The following ZNF841 variants were observed in gnomAD, a reference collection of about 807,000 sequenced individuals.
ZNF841 encodes the protein zinc finger protein 841, also known as TCONS_00006091.
ZNF841 carries 11 observed loss-of-function variants against 13.0 expected under a neutral mutation model. The observed-to-expected ratio is 0.85, with a 90% CI of 0.53 to 1.40. The LOEUF (loss-of-function observed/expected upper bound fraction) is 1.40, where lower values mean the gene tolerates loss of function less well. Ranked by LOEUF, ZNF841 falls within the 40% of genes most tolerant of loss-of-function variation. The probability of loss-of-function intolerance (pLI) is 0.00; values close to 1 mark genes in which losing one functional copy is unlikely to be tolerated. For synonymous variants in ZNF841, 369 were observed against 381.6 expected, an observed-to-expected ratio of 0.97 and a Z score of 0.38; for missense variants, 1,068 against 1,139.5, an observed-to-expected ratio of 0.94 and a Z score of 0.90.
In ZNF841 at chr19:52,065,084, C is replaced by G; in HGVS notation, c.*23G>C. The G allele has an allele frequency of 6.9e-7, 1 of 1,458,734 alleles. No individual in the cohort carries two copies. Among genetic ancestry groups the G allele is most frequent in the South Asian group, 1.5e-5 (1 of 67,258 alleles). The allele number at this position is 1,458,734 out of a possible 1,614,324, so 90.4% of individuals were successfully genotyped here. A position where few individuals can be genotyped will look rare whatever the true frequency, so the allele number is the denominator to read the frequency against. ...ACTTCAAAGGGAAAGGACAAATATA[C>G]AAGCTATATGAGTAAGTATAAATTA... On this transcript the variant is annotated 3_prime_UTR_variant, in exon 7 of 7. Transcript: ENST00000594440.
At chr19:52,064,374 A>AC (rs57240875), downstream of ZNF841, 975 of 148,912 alleles carry the variant, frequency 6.5e-3, 51 homozygotes, top group African/African-American at 0.023. Context: ...AAAAAAAAAA[A>AC]AAAAAAAAAA....
intron 3 of ZNF841, among the ~76,000 whole-genome samples, chr19:52,087,393 T>A (rs898096311): frequency 9.9e-5 from 15 of 152,150 alleles, no homozygotes; most frequent in African/African-American, 3.4e-4. Flanking sequence ...TAGATCCCAG[T>A]GTGTGTTGTT....
downstream of ZNF841, among the ~76,000 whole-genome samples, chr19:52,061,502 A>T (rs1281696316): frequency 6.6e-6 from 1 of 151,792 alleles, no homozygotes; most frequent in East Asian, 1.9e-4. Flanking sequence ...CCACCAAAGG[A>T]AAGTTCTAAG....
chr19:52,076,110 C>T lies in ZNF841; in HGVS notation c.205G>A (p.Val69Met), dbSNP rs1051262264. ...MLEQGKEPWT[V>M]VSQVKIARNP... ...CTCGCTATTTTCACTTGGCTCACCACAGTCCAGGGCTCTTTCCCTTGCTCC... is the reference window on the plus strand; with the variant it reads ...CTCGCTATTTTCACTTGGCTCACCATAGTCCAGGGCTCTTTCCCTTGCTCC... The change falls in exon 6 of 7, where the codon GTG (valine) becomes ATG (methionine). Residue 69 changes from valine to methionine, a missense_variant. Transcript: ENST00000594440. 4 of 1,556,874 alleles carry T rather than the reference C, an allele frequency of 2.6e-6. No homozygotes were observed. Among genetic ancestry groups the T allele is most frequent in the Non-Finnish European group, 3.5e-6 (4 of 1,149,550 alleles).
intron 2 of ZNF841, among the ~76,000 whole-genome samples, chr19:52,089,927 T>G (rs16983446): frequency 6.6e-6 from 1 of 152,178 alleles, no homozygotes; most frequent in Non-Finnish European, 1.5e-5. Context: ...TCTGGGCACA[T>G]GCAACACAGC....
chr19:52,058,755 C>G, the ZNF841 span: 1 of 153,088 alleles, frequency 6.5e-6, no homozygotes, highest in Non-Finnish European at 1.5e-5. Context: ...TTTCAAAAAG[C>G]TGTAAAAATT....
rs767337846 is a variant in ZNF841 at position 52,065,388 on chromosome 19, C to T, written c.2494G>A (p.Glu832Lys). 19 of 1,608,236 alleles carry T rather than the reference C, an allele frequency of 1.2e-5. No homozygotes were observed. The highest frequency in any genetic ancestry group is 2.2e-5 in the East Asian group (1 of 44,764). Reference sequence around the variant, plus strand: ...TGATGGTAAACCAAGTTTGACCTTTCGATAAAAGCTTTACCACATTCATTA... The same window carrying T: ...TGATGGTAAACCAAGTTTGACCTTTTGATAAAAGCTTTACCACATTCATTA... ...KCNECGKAFI[E>K]RSNLVYHQRN... Residue 832 changes from glutamate to lysine, a missense_variant, in exon 7 of 7, where the codon GAA (glutamate) becomes AAA (lysine). Glu to Lys is a moderately conservative substitution (Grantham distance 56). Transcript: ENST00000594440.
In ZNF841 at chr19:52,076,109, A is replaced by C; in HGVS notation, c.206T>G (p.Val69Gly). ...MLEQGKEPWT[V>G]VSQVKIARNP... is the part of the protein sequence containing the mutation. ...CCTCGCTATTTTCACTTGGCTCACC[A>C]CAGTCCAGGGCTCTTTCCCTTGCTC... Residue 69 changes from valine (V) to glycine (G), a missense_variant, in exon 6 of 7, where the codon GTG becomes GGG. Val to Gly is a moderately radical substitution (Grantham distance 109). Transcript: ENST00000594440. 1 of 1,556,786 alleles carries C rather than the reference A, an allele frequency of 6.4e-7. No homozygotes were observed. Among genetic ancestry groups the C allele is most frequent in the South Asian group, 1.2e-5 (1 of 84,406 alleles).
At chr19:52,087,278 C>G (rs2088305440) in intron 3 of ZNF841, among the ~76,000 whole-genome samples, 2 of 152,094 alleles carry the variant, frequency 1.3e-5, no homozygotes, top group African/African-American at 2.4e-5. Context: ...GTAAATGGGT[C>G]ATGGGGATGT....
At chr19:52,076,480 G>T in intron 5 of ZNF841, 1 of 311,026 alleles carries the variant, frequency 3.2e-6, no homozygotes. Context: ...CTAGGCAACA[G>T]AGTGAAACCC....
At chr19:52,059,390 TACACAC>T in the ZNF841 span, among the ~76,000 whole-genome samples, 1,128 of 96,252 alleles carry the variant, frequency 0.012, 33 homozygotes, top group African/African-American at 0.044. Context: ...TATATATATA[TACACAC>T]ACACACACAC....
At position 52,066,842 on chromosome 19, in the gene ZNF841, C is replaced by G; in HGVS notation, c.1040G>C (p.Cys347Ser). Residue 347 changes from cysteine to serine, a missense_variant, in exon 7 of 7, where the codon TGT (cysteine) becomes TCT (serine). By Grantham distance (112) the Cys-to-Ser change is moderately radical. Transcript: ENST00000594440. ...RSHTGDKPYICNECGKSFSKS... is the reference protein window; with the variant it reads ...RSHTGDKPYISNECGKSFSKS... The stretch of plus-strand genomic sequence containing the variant: ...ACTAAAGGACTTGCCACATTCATTA[C>G]ATATGTAGGGTTTGTCTCCAGTGTG... The G allele has an allele frequency of 6.2e-7, 1 of 1,614,178 alleles. No individual in the cohort carries two copies. The highest frequency in any genetic ancestry group is 8.5e-7 in the Non-Finnish European group (1 of 1,180,028).
chr19:52,095,377 A>C (rs916895914), intron 1 of ZNF841, among the ~76,000 whole-genome samples, 198 bp downstream of exon 1: 4 of 152,098 alleles, frequency 2.6e-5, no homozygotes, highest in African/African-American at 9.7e-5. Flanking sequence ...CAGACGACGG[A>C]GGAGCTCGGG....
rs528836853 is a variant in ZNF841 at position 52,067,383 on chromosome 19, T to C, written c.499A>G (p.Arg167Gly). Residue 167 changes from arginine to glycine, a missense_variant, in exon 7 of 7, where the codon AGA becomes GGA. By Grantham distance (125) the Arg-to-Gly change is moderately radical (BLOSUM62 -2). Transcript: ENST00000594440. ...MTHKNNLTGQ[R>G]VRHSQGDVEN... ...ACGTCCCCTTGACTATGTCGAACTC[T>C]TTGACCAGTAAGATTGTTTTTATGG... 3.9e-6 allele frequency: 6 copies of C among 1,547,272 alleles called. No homozygotes were observed. The East Asian group carries it at 1.5e-4, about 38-fold the overall frequency.
chr19:52,093,365 A>G (rs572128549), intron 2 of ZNF841, among the ~76,000 whole-genome samples: 1 of 152,344 alleles, frequency 6.6e-6, no homozygotes, highest in East Asian at 1.9e-4. Flanking sequence ...AATAAGACAG[A>G]CACTAAAAGA....
At position 52,064,585 on chromosome 19, in the gene ZNF841, G is replaced by A. The variant is rs1413823277; in HGVS notation, c.*522C>T. The A allele has an allele frequency of 6.5e-6, 1 of 153,668 alleles. No homozygotes were observed. Among genetic ancestry groups the A allele is most frequent in the Non-Finnish European group, 1.5e-5 (1 of 68,104 alleles). 9.5% of individuals were successfully genotyped at this position (153,668 alleles called of 1,614,324 possible). A position where few individuals can be genotyped will look rare whatever the true frequency, so the allele number is the denominator to read the frequency against. On this transcript the variant is annotated 3_prime_UTR_variant, in exon 7 of 7. Transcript: ENST00000594440. ...GGTTAAAATGATGGTGGGAGGTGAA[G>A]GGCATGTCACATGGCCAGAAGAACA...
rs367789106 is a variant in ZNF841 at position 52,065,468 on chromosome 19, C to T, written c.2414G>A (p.Arg805His). 65 of 1,613,668 alleles carry T rather than the reference C, an allele frequency of 4.0e-5. No individual in the cohort carries two copies. In the Middle Eastern group the frequency reaches 4.9e-4, roughly 12 times the overall value. Residue 805 changes from arginine (R) to histidine (H), a missense_variant, in exon 7 of 7, where the codon CGT (arginine) becomes CAT (histidine). Arg to His is a conservative substitution (Grantham distance 29). Transcript: ENST00000594440. ...CATCTGATGATTAAGCAGAATTGAA[C>T]GTACTCTAAAGGCTTTGCCACACTC... ...CNECGKAFRV[R>H]SILLNHQMMH...
At chr19:52,095,234 G>A (rs1268798890) in intron 1 of ZNF841, among the ~76,000 whole-genome samples, 3 of 152,280 alleles carry the variant, frequency 2.0e-5, no homozygotes, top group South Asian at 4.1e-4. Context: ...GGAGCGGAAG[G>A]ACCCGGCGTG....
At chr19:52,070,067 T>C (rs1272127782) in intron 6 of ZNF841, among the ~76,000 whole-genome samples, 1 of 152,232 alleles carries the variant, frequency 6.6e-6, no homozygotes, top group African/African-American at 2.4e-5. Flanking sequence ...ACAGGATTTA[T>C]GTATCTATAC....
Sources: allele counts gnomAD v4.1 joint callset (sites outside exome capture counted in the v4.1 genomes callset), GRCh38; gene constraint gnomAD v4.1.1; transcripts MANE v1.5; gene names NCBI Gene and HGNC (gene_info 2026-07-23, HGNC 2026-07-21).